The following SORCS1 variants were observed in gnomAD, a reference collection of about 807,000 sequenced individuals.
SORCS1 encodes VPS10 domain-containing receptor SorCS1.
In SORCS1, 60 loss-of-function variants were observed where a neutral mutation model predicts 146.1. That is an observed-to-expected ratio of 0.41 (90% CI 0.33 to 0.51). The LOEUF (loss-of-function observed/expected upper bound fraction) is 0.51, where lower values mean the gene tolerates loss of function less well. Ranked by LOEUF, SORCS1 falls within the 20% of genes least tolerant of loss-of-function variation. The pLI is 0.21. For missense variants in SORCS1, 1,352 were observed against 1,487.6 expected (o/e 0.91, Z 1.50); for synonymous variants, 637 against 584.0 (o/e 1.09, Z -1.31).
chr10:106,647,023 A>G (rs750281770), intron 18 of SORCS1, among the ~76,000 whole-genome samples: 3,855 of 146,038 alleles, frequency 0.026, 105 homozygotes, highest in Non-Finnish European at 0.044. Flanking sequence ...ATATATATAT[A>G]TATATATATA....
chr10:106,762,383 A>ATTT (rs1273170818), intron 4 of SORCS1, among the ~76,000 whole-genome samples: 29 of 112,850 alleles, frequency 2.6e-4, no homozygotes, highest in South Asian at 6.1e-4. Context: ...CTTTTTTATT[A>ATTT]TTCTTTTTTT....
intron 9 of SORCS1, among the ~76,000 whole-genome samples, chr10:106,693,772 T>C (rs1170986144): frequency 6.6e-6 from 1 of 152,164 alleles, no homozygotes; most frequent in African/African-American, 2.4e-5. Context: ...ATATCTCTAG[T>C]ACTTCTTATG....
At chr10:107,101,816 A>C (rs1964945153) in intron 1 of SORCS1, among the ~76,000 whole-genome samples, 1 of 152,066 alleles carries the variant, frequency 6.6e-6, no homozygotes, top group East Asian at 1.9e-4. Context: ...TAGTCTTTAT[A>C]ATAAAAATAA....
At chr10:106,656,543 C>CA (rs1388824864) in intron 17 of SORCS1, among the ~76,000 whole-genome samples, 2 of 149,846 alleles carry the variant, frequency 1.3e-5, no homozygotes, top group Admixed American at 1.3e-4. Context: ...GATTCTTTCT[C>CA]AAAAAAAGAA....
At chr10:107,023,245 C>T (rs1484471984) in intron 1 of SORCS1, among the ~76,000 whole-genome samples, 1 of 152,146 alleles carries the variant, frequency 6.6e-6, no homozygotes, top group Non-Finnish European at 1.5e-5. Flanking sequence ...ATTCTTAGTA[C>T]ACTGCTTTTT....
intron 13 of SORCS1, among the ~76,000 whole-genome samples, chr10:106,677,063 A>C (rs12254870): frequency 1.8e-4 from 28 of 152,184 alleles, no homozygotes; most frequent in African/African-American, 6.5e-4. Flanking sequence ...GTCATCAGAG[A>C]GATGGACTTG....
intron 2 of SORCS1, among the ~76,000 whole-genome samples, chr10:106,914,208 T>G (rs2138290402): frequency 6.6e-6 from 1 of 152,310 alleles, no homozygotes; most frequent in South Asian, 2.1e-4. Context: ...GGATGCTGGG[T>G]TTTAAAAACA....
chr10:106,783,554 A>T lies in SORCS1; in HGVS notation c.727-6862T>A, dbSNP rs551798036. On this transcript the variant is annotated intron_variant, in intron 3 of 25. Coordinates refer to ENST00000263054, the MANE Select transcript of SORCS1 (RefSeq NM_052918.5). ...CTGGCATTACAAATATCTCATAAAA[A>T]TATTGCCTAGATGAAAAAAAAGAGA... Among the ~76,000 whole-genome samples, 23 of 152,348 alleles carry T rather than the reference A, an allele frequency of 1.5e-4. No homozygotes were observed. In the East Asian group the frequency reaches 4.2e-3, roughly 28 times the overall value.
chr10:106,621,383 C>T (rs531898629), intron 19 of SORCS1, among the ~76,000 whole-genome samples: 124 of 151,984 alleles, frequency 8.2e-4, no homozygotes, highest in African/African-American at 2.9e-3. Context: ...ATCTTTGTCC[C>T]ATGAGGTAGA....
At chr10:106,852,406 C>G (rs1319415015) in intron 2 of SORCS1, among the ~76,000 whole-genome samples, 1 of 151,906 alleles carries the variant, frequency 6.6e-6, no homozygotes, top group Admixed American at 6.6e-5. Flanking sequence ...GAGGCAGTCG[C>G]ATCACAAGGT....
chr10:106,849,223 C>T (rs1949440415), intron 2 of SORCS1, among the ~76,000 whole-genome samples: 4 of 150,962 alleles, frequency 2.6e-5, no homozygotes, highest in Admixed American at 2.0e-4. Context: ...TCAGGTACAC[C>T]AATCAGATGT....
Position 106,618,141 on chromosome 10 carries a change from G to A in SORCS1, c.2920+8C>T. 1 of 1,613,848 alleles carries A rather than the reference G, an allele frequency of 6.2e-7. No individual in the cohort carries two copies. Among genetic ancestry groups the A allele is most frequent in the Non-Finnish European group, 8.5e-7 (1 of 1,179,816 alleles). ...GACAGCAGTAGATCCACTGAGATGG[G>A]CACTCACCATATACTGCGATGGTCT... On this transcript the variant is annotated splice_region_variant and intron_variant, in intron 21 of 25. Transcript: ENST00000263054.
chr10:106,889,471 A>G (rs1276926866), intron 2 of SORCS1, among the ~76,000 whole-genome samples: 1 of 152,126 alleles, frequency 6.6e-6, no homozygotes, highest in East Asian at 1.9e-4. Flanking sequence ...AAGGTATAAA[A>G]AGCACTTCCC....
intron 1 of SORCS1, among the ~76,000 whole-genome samples, chr10:107,145,651 C>T (rs543408637): frequency 3.3e-4 from 50 of 152,146 alleles, no homozygotes; most frequent in Admixed American, 1.2e-3. Context: ...AAGTTGGCTA[C>T]AGGGAAGTTT....
In SORCS1 at chr10:106,763,767, G is replaced by A. The variant is rs113971038; in HGVS notation, c.886-2106C>T. On this transcript the variant is annotated intron_variant, in intron 4 of 25. Coordinates refer to ENST00000263054, the MANE Select transcript of SORCS1 (RefSeq NM_052918.5). Reference sequence around the variant, plus strand: ...CAGATGCTATCAAACTACCAGCCACGTATTTATATTTAATTCTCTTAATAG... The same window carrying A: ...CAGATGCTATCAAACTACCAGCCACATATTTATATTTAATTCTCTTAATAG... Among the ~76,000 whole-genome samples, 1,397 of 152,284 alleles carry A rather than the reference G, an allele frequency of 9.2e-3. 22 individuals carry two copies. The highest frequency in any genetic ancestry group is 0.032 in the African/African-American group (1,328 of 41,552).
intron 11 of SORCS1, 93 bp downstream of exon 11, chr10:106,679,539 C>A: frequency 1.7e-6 from 2 of 1,187,732 alleles, no homozygotes; most frequent in Admixed American, 2.2e-5. Flanking sequence ...GTACAGATAT[C>A]TAGCTTCTTA....
At chr10:106,595,355 C>T (rs1485273470) in intron 24 of SORCS1, among the ~76,000 whole-genome samples, 1 of 152,024 alleles carries the variant, frequency 6.6e-6, no homozygotes, top group Admixed American at 6.6e-5. Context: ...GGAGATGTGC[C>T]CTACTCAATC....
At chr10:106,927,959 T>C (rs1473451276) in intron 2 of SORCS1, among the ~76,000 whole-genome samples, 3 of 152,110 alleles carry the variant, frequency 2.0e-5, no homozygotes, top group Admixed American at 2.0e-4. Context: ...AGACACAGAG[T>C]GCCAATTGGT....
At chr10:106,704,467 G>A (rs774281766) in intron 8 of SORCS1, among the ~76,000 whole-genome samples, 3 of 152,126 alleles carry the variant, frequency 2.0e-5, no homozygotes, top group South Asian at 4.1e-4. Flanking sequence ...CAAGGCAGGC[G>A]GATCACGAGG....
Sources: allele counts gnomAD v4.1 joint callset (sites outside exome capture counted in the v4.1 genomes callset), GRCh38; gene constraint gnomAD v4.1.1; transcripts MANE v1.5; gene names NCBI Gene and HGNC (gene_info 2026-07-23, HGNC 2026-07-21).